Variants in PBOV1 observed in about 807,000 individuals in gnomAD.
The protein encoded by PBOV1 is prostate and breast cancer overexpressed 1.
For missense variants in PBOV1, 147 were observed against 151.4 expected (o/e 0.97, Z 0.15); for synonymous variants, 46 against 55.9 (o/e 0.82, Z 0.79).
In PBOV1 at chr6:138,217,401, T is replaced by C. The variant is rs577848628; in HGVS notation, c.*587A>G. The C allele has an allele frequency of 5.2e-5, 8 of 152,420 alleles. No individual in the cohort carries two copies. In the East Asian group the frequency reaches 1.3e-3, roughly 26 times the overall value. The allele number at this position is 152,420 out of a possible 1,614,324, so 9.4% of individuals were successfully genotyped here. A position where few individuals can be genotyped will look rare whatever the true frequency, so the allele number is the denominator to read the frequency against. The stretch of plus-strand genomic sequence containing the variant: ...ACTGTGCTGGGCACAGAAGATCCCA[T>C]AGTGAAGAAAACAAAACCAAAGAAA... On this transcript the variant is annotated 3_prime_UTR_variant, in exon 1 of 1. Coordinates refer to ENST00000527246, the MANE Select transcript of PBOV1 (RefSeq NM_021635.3).
rs1777892686 is a variant in PBOV1 at position 138,217,507 on chromosome 6, AG to A, written c.*480del. On this transcript the variant is annotated 3_prime_UTR_variant, in exon 1 of 1. Coordinates refer to ENST00000527246, the MANE Select transcript of PBOV1 (RefSeq NM_021635.3). The stretch of plus-strand genomic sequence containing the variant: ...AATACACTAGTCCCCACTTATCCAA[AG>A]TTTCACTTTCCTTGGTTTCCATTAC... 1 of 153,222 alleles carries A rather than the reference AG, an allele frequency of 6.5e-6. No homozygotes were observed. 9.5% of individuals were successfully genotyped at this position (153,222 alleles called of 1,614,324 possible). A position where few individuals can be genotyped will look rare whatever the true frequency, so the allele number is the denominator to read the frequency against.
rs1777877900 is a variant in PBOV1, at chr6:138,217,006, C to A, written c.*982G>T. 6.6e-6 allele frequency: 1 copy of A among 152,166 alleles called. No individual in the cohort carries two copies. The highest frequency in any genetic ancestry group is 6.5e-5 in the Admixed American group (1 of 15,284). The allele number at this position is 152,166 out of a possible 1,614,324, so 9.4% of individuals were successfully genotyped here. A position where few individuals can be genotyped will look rare whatever the true frequency, so the allele number is the denominator to read the frequency against. On this transcript the variant is annotated 3_prime_UTR_variant, in exon 1 of 1. Coordinates refer to ENST00000527246, the MANE Select transcript of PBOV1 (RefSeq NM_021635.3). ...CTTACTGAGTTTTCCTCCCATCTTTCTTTACCCTTTGATATGACTGCCTTC... is the reference window on the plus strand; with the variant it reads ...CTTACTGAGTTTTCCTCCCATCTTTATTTACCCTTTGATATGACTGCCTTC...
At position 138,217,946 on chromosome 6, in the gene PBOV1, ATTT is replaced by A. The variant is rs748903396; in HGVS notation, c.*39_*41del. 1 of 1,547,334 alleles carries A rather than the reference ATTT, an allele frequency of 6.5e-7. No individual in the cohort carries two copies. The highest frequency in any genetic ancestry group is 2.0e-5 in the Admixed American group (1 of 50,582). On this transcript the variant is annotated 3_prime_UTR_variant, in exon 1 of 1. Transcript: ENST00000527246. ...TGGTAGCAGAATTGCCTTTTCAACCATTTTTATTTTTCTGGAAAGGCTTTGCAG... is the reference window on the plus strand; with the variant it reads ...TGGTAGCAGAATTGCCTTTTCAACCATTATTTTTCTGGAAAGGCTTTGCAG...
At position 138,216,495 on chromosome 6, in the gene PBOV1, G is replaced by T. The variant is rs1396481697; in HGVS notation, c.*1493C>A. On this transcript the variant is annotated 3_prime_UTR_variant, in exon 1 of 1. Transcript: ENST00000527246. ...GGGAGCAAGAAACACGACAAAGGAA[G>T]AAAGACTGTTTGAGTCCCCTCTCGG... 1 of 152,196 alleles carries T rather than the reference G, an allele frequency of 6.6e-6. No homozygotes were observed. The highest frequency in any genetic ancestry group is 1.5e-5 in the Non-Finnish European group (1 of 68,044). 9.4% of individuals were successfully genotyped at this position (152,196 alleles called of 1,614,324 possible).
rs770340388 is a variant in PBOV1 at position 138,218,069 on chromosome 6, C to T, written c.327G>A (p.Leu109=). The T allele has an allele frequency of 7.5e-5, 121 of 1,613,708 alleles. No individual in the cohort carries two copies. Among genetic ancestry groups the T allele is most frequent in the Non-Finnish European group, 9.8e-5 (116 of 1,179,826 alleles). Residue 109 remains leucine (L), a synonymous_variant, in exon 1 of 1, where the codon TTG becomes TTA. Coordinates refer to ENST00000527246, the MANE Select transcript of PBOV1 (RefSeq NM_021635.3). ...CTAGGGTCTGAGTTAACTGCAAAGT[C>T]AATGTGAATAATATGGCTTCTGAAG... ...SLSSEAILFT[L]TLQLTQTLGL...
In PBOV1 at chr6:138,217,833, T is replaced by G. The variant is rs2114512390; in HGVS notation, c.*155A>C. Reference sequence around the variant, plus strand: ...TCAACATGGGTTTGTATTTTAGAATTGAAATAACCTCCTACATCATCAAAT... The same window carrying G: ...TCAACATGGGTTTGTATTTTAGAATGGAAATAACCTCCTACATCATCAAAT... On this transcript the variant is annotated 3_prime_UTR_variant, in exon 1 of 1. Transcript: ENST00000527246. The G allele has an allele frequency of 9.2e-7, 1 of 1,083,906 alleles. No individual in the cohort carries two copies. The highest frequency in any genetic ancestry group is 1.6e-5 in the African/African-American group (1 of 63,074). 67.1% of individuals were successfully genotyped at this position (1,083,906 alleles called of 1,614,324 possible).
chr6:138,218,170 A>G lies in PBOV1; in HGVS notation c.226T>C (p.Ser76Pro). 2 of 1,613,966 alleles carry G rather than the reference A, an allele frequency of 1.2e-6. No homozygotes were observed. The highest frequency in any genetic ancestry group is 2.2e-5 in the South Asian group (2 of 91,074). ...TEFIDYSIEQ[S>P]HHAILTPLQT... ...AAGGGTGTGAGAATTGCATGGTGTGACTGTTCTATGGAATAATCAATGAAC... is the reference window on the plus strand; with the variant it reads ...AAGGGTGTGAGAATTGCATGGTGTGGCTGTTCTATGGAATAATCAATGAAC... The change falls in exon 1 of 1, where the codon TCA becomes CCA. Residue 76 changes from serine (S) to proline (P), a missense_variant. Physicochemically the swap from Ser to Pro is moderately conservative, Grantham distance 74. Coordinates refer to ENST00000527246, the MANE Select transcript of PBOV1 (RefSeq NM_021635.3).
In PBOV1 at chr6:138,218,442, A is replaced by AT. The variant is rs1485798563; in HGVS notation, c.-48dup. 4 of 1,475,544 alleles carry AT rather than the reference A, an allele frequency of 2.7e-6. No homozygotes were observed. The African/African-American group carries it at 5.7e-5, about 21-fold the overall frequency. The allele number at this position is 1,475,544 out of a possible 1,614,324, so 91.4% of individuals were successfully genotyped here. On this transcript the variant is annotated 5_prime_UTR_variant, in exon 1 of 1. An upstream open reading frame in the 5' UTR gains an earlier in-frame stop. Transcript: ENST00000527246. The stretch of plus-strand genomic sequence containing the variant: ...TGTAGCTCTGTAGCATAGAAGAATA[A>AT]TTTTGTAAATTATTATACATCAATT...
rs761564524 is a variant in PBOV1, at chr6:138,218,289, G to A, written c.107C>T (p.Pro36Leu). The A allele has an allele frequency of 6.3e-7, 1 of 1,591,750 alleles. No individual in the cohort carries two copies. Among genetic ancestry groups the A allele is most frequent in the South Asian group, 1.1e-5 (1 of 88,760 alleles). ...CACAGTTTCTGGAGCTAGAATGCCTGGTAGCCTTGGGAAGTTACTTAATCT... is the reference window on the plus strand; with the variant it reads ...CACAGTTTCTGGAGCTAGAATGCCTAGTAGCCTTGGGAAGTTACTTAATCT... ...RHRLSNFPRL[P>L]GILAPETVLL... The change falls in exon 1 of 1, where the codon CCA (proline) becomes CTA (leucine). Residue 36 changes from proline to leucine, a missense_variant. Transcript: ENST00000527246.
In PBOV1 at chr6:138,218,279, T is replaced by C. The variant is rs768547108; in HGVS notation, c.117A>G (p.Leu39=). 1 of 1,603,418 alleles carries C rather than the reference T, an allele frequency of 6.2e-7. No individual in the cohort carries two copies. The highest frequency in any genetic ancestry group is 8.5e-7 in the Non-Finnish European group (1 of 1,174,358). The stretch of plus-strand genomic sequence containing the variant: ...ATGGTAAGAGCACAGTTTCTGGAGC[T>C]AGAATGCCTGGTAGCCTTGGGAAGT... ...LSNFPRLPGI[L]APETVLLPFC... is the part of the protein sequence containing the mutation. The change falls in exon 1 of 1, where the codon CTA becomes CTG. Residue 39 remains leucine, a synonymous_variant. Transcript: ENST00000527246.
At position 138,217,937 on chromosome 6, in the gene PBOV1, T is replaced by G. The variant is rs928026651; in HGVS notation, c.*51A>C. ...AACAGTCATTGGTAGCAGAATTGCC[T>G]TTTCAACCATTTTTATTTTTCTGGA... On this transcript the variant is annotated 3_prime_UTR_variant, in exon 1 of 1. Transcript: ENST00000527246. The G allele has an allele frequency of 1.9e-6, 3 of 1,539,988 alleles. No homozygotes were observed. Among genetic ancestry groups the G allele is most frequent in the South Asian group, 2.6e-5 (2 of 76,344 alleles).
chr6:138,218,352 T>C lies in PBOV1; in HGVS notation c.44A>G (p.Asn15Ser). The C allele has an allele frequency of 6.4e-7, 1 of 1,550,962 alleles. No individual in the cohort carries two copies. Among genetic ancestry groups the C allele is most frequent in the Non-Finnish European group, 8.7e-7 (1 of 1,147,352 alleles). The change falls in exon 1 of 1, where the codon AAT becomes AGT. Residue 15 changes from asparagine (N) to serine (S), a missense_variant. By Grantham distance (46) the Asn-to-Ser change is conservative. Transcript: ENST00000527246. ...TCTGATCTGTAAAATGTGAATAATA[T>C]TGTGCATATCCTCATATTTCTGGTT... Reference protein sequence around the residue: ...LRNQKYEDMHNIIHILQIRKL... With the variant: ...LRNQKYEDMHSIIHILQIRKL...
In PBOV1 at chr6:138,217,244, T is replaced by G. The variant is rs1777885584; in HGVS notation, c.*744A>C. The G allele has an allele frequency of 6.6e-6, 1 of 152,230 alleles. No individual in the cohort carries two copies. The highest frequency in any genetic ancestry group is 1.5e-5 in the Non-Finnish European group (1 of 68,042). 9.4% of individuals were successfully genotyped at this position (152,230 alleles called of 1,614,324 possible). A position where few individuals can be genotyped will look rare whatever the true frequency, so the allele number is the denominator to read the frequency against. ...TAAACTTTTCTCACATAATCTTAATTTAAGCGCATATAAATGCAGAGGCCC... is the reference window on the plus strand; with the variant it reads ...TAAACTTTTCTCACATAATCTTAATGTAAGCGCATATAAATGCAGAGGCCC... On this transcript the variant is annotated 3_prime_UTR_variant, in exon 1 of 1. Transcript: ENST00000527246.
Position 138,218,443 on chromosome 6 carries a change from T to A in PBOV1, c.-48A>T. On this transcript the variant is annotated 5_prime_UTR_variant, in exon 1 of 1. Coordinates refer to ENST00000527246, the MANE Select transcript of PBOV1 (RefSeq NM_021635.3). Reference sequence around the variant, plus strand: ...GTAGCTCTGTAGCATAGAAGAATAATTTTGTAAATTATTATACATCAATTA... The same window carrying A: ...GTAGCTCTGTAGCATAGAAGAATAAATTTGTAAATTATTATACATCAATTA... 1 of 1,476,008 alleles carries A rather than the reference T, an allele frequency of 6.8e-7. No homozygotes were observed. Among genetic ancestry groups the A allele is most frequent in the Non-Finnish European group, 9.0e-7 (1 of 1,115,362 alleles). 91.4% of individuals were successfully genotyped at this position (1,476,008 alleles called of 1,614,324 possible).
rs1490552949 is a variant in PBOV1 at position 138,218,442 on chromosome 6, A to G, written c.-47T>C. On this transcript the variant is annotated 5_prime_UTR_variant, in exon 1 of 1. Coordinates refer to ENST00000527246, the MANE Select transcript of PBOV1 (RefSeq NM_021635.3). ...TGTAGCTCTGTAGCATAGAAGAATA[A>G]TTTTGTAAATTATTATACATCAATT... is the stretch of plus-strand genomic sequence containing the variant. 1 of 1,475,662 alleles carries G rather than the reference A, an allele frequency of 6.8e-7. No individual in the cohort carries two copies. The highest frequency in any genetic ancestry group is 2.5e-5 in the East Asian group (1 of 40,264). 91.4% of individuals were successfully genotyped at this position (1,475,662 alleles called of 1,614,324 possible).
chr6:138,218,334 T>G lies in PBOV1; in HGVS notation c.62A>C (p.Gln21Pro), dbSNP rs1223985652. 6.4e-7 allele frequency: 1 copy of G among 1,556,650 alleles called. No individual in the cohort carries two copies. Among genetic ancestry groups the G allele is most frequent in the Non-Finnish European group, 8.7e-7 (1 of 1,149,502 alleles). The change falls in exon 1 of 1, where the codon CAG becomes CCG. Residue 21 changes from glutamine to proline, a missense_variant. Transcript: ENST00000527246. ...EDMHNIIHILQIRKLRHRLSN... is the reference protein window; with the variant it reads ...EDMHNIIHILPIRKLRHRLSN... The stretch of plus-strand genomic sequence containing the variant: ...TAATCTGTGCCTCAATTTTCTGATC[T>G]GTAAAATGTGAATAATATTGTGCAT...
At position 138,218,294 on chromosome 6, in the gene PBOV1, C is replaced by A; in HGVS notation, c.102G>T (p.Arg34Ser). Residue 34 changes from arginine to serine, a missense_variant, in exon 1 of 1, where the codon AGG (arginine) becomes AGT (serine). Physicochemically the swap from Arg to Ser is moderately radical, Grantham distance 110. Transcript: ENST00000527246. The stretch of plus-strand genomic sequence containing the variant: ...TTTCTGGAGCTAGAATGCCTGGTAG[C>A]CTTGGGAAGTTACTTAATCTGTGCC... ...KLRHRLSNFPRLPGILAPETV... is the reference protein window; with the variant it reads ...KLRHRLSNFPSLPGILAPETV... 1 of 1,589,198 alleles carries A rather than the reference C, an allele frequency of 6.3e-7. No homozygotes were observed. The highest frequency in any genetic ancestry group is 8.6e-7 in the Non-Finnish European group (1 of 1,166,818).
At position 138,218,196 on chromosome 6, in the gene PBOV1, T is replaced by C; in HGVS notation, c.200A>G (p.Glu67Gly). Residue 67 changes from glutamate to glycine, a missense_variant, in exon 1 of 1, where the codon GAG becomes GGG. Glu to Gly is a moderately conservative substitution (Grantham distance 98). Transcript: ENST00000527246. ...EKVKRSQKATEFIDYSIEQSH... is the reference protein window; with the variant it reads ...EKVKRSQKATGFIDYSIEQSH... ...CTGTTCTATGGAATAATCAATGAAC[T>C]CTGTTGCCTTTTGACTTCTTTTTAC... The C allele has an allele frequency of 6.2e-7, 1 of 1,613,934 alleles. No individual in the cohort carries two copies. Among genetic ancestry groups the C allele is most frequent in the Non-Finnish European group, 8.5e-7 (1 of 1,179,840 alleles).
At position 138,218,105 on chromosome 6, in the gene PBOV1, A is replaced by G; in HGVS notation, c.291T>C (p.Cys97=). 1 of 1,613,988 alleles carries G rather than the reference A, an allele frequency of 6.2e-7. No homozygotes were observed. Among genetic ancestry groups the G allele is most frequent in the Non-Finnish European group, 8.5e-7 (1 of 1,179,850 alleles). The change falls in exon 1 of 1, where the codon TGT becomes TGC. Residue 97 remains cysteine, a synonymous_variant. Coordinates refer to ENST00000527246, the MANE Select transcript of PBOV1 (RefSeq NM_021635.3). ...ATATGGCTTCTGAAGATAATGAGGA[A>G]CATTTCATTGAGGAACCTTTCATGG... ...HLTMKGSSMK[C]SSLSSEAILF...
Sources: gnomAD v4.1 joint callset for allele counts on GRCh38, gnomAD v4.1.1 for gene constraint, MANE v1.5 for transcripts, NCBI Gene and HGNC (gene_info 2026-07-23, HGNC 2026-07-21) for gene names.